Variants in LSAMP observed in about 807,000 individuals in gnomAD.
The protein encoded by LSAMP is limbic system associated membrane protein.
LSAMP carries 7 observed loss-of-function variants against 38.6 expected under a neutral mutation model. The observed-to-expected ratio is 0.18, with a 90% CI of 0.10 to 0.34. The LOEUF (loss-of-function observed/expected upper bound fraction) is 0.34. LSAMP is among the 10% of genes least tolerant of loss of function. The pLI is 1.00. For synonymous variants in LSAMP, 154 were observed against 166.8 expected, an observed-to-expected ratio of 0.92 and a Z score of 0.59; for missense variants, 313 against 420.0, an observed-to-expected ratio of 0.75 and a Z score of 2.23.
At chr3:116,107,184 A>G (rs897630667) in intron 1 of LSAMP, among the ~76,000 whole-genome samples, 1 of 152,176 alleles carries the variant, frequency 6.6e-6, no homozygotes, top group Non-Finnish European at 1.5e-5. Context: ...GGTATCTGGA[A>G]TAATGTGGGA....
At chr3:116,397,425 G>T (rs2048783562) in intron 1 of LSAMP, among the ~76,000 whole-genome samples, 1 of 129,318 alleles carries the variant, frequency 7.7e-6, no homozygotes, top group African/African-American at 2.8e-5. Context: ...ATAAACCTTT[G>T]AAAACCATAT....
At chr3:116,276,250 A>G (rs2047050521) in intron 1 of LSAMP, among the ~76,000 whole-genome samples, 1 of 152,228 alleles carries the variant, frequency 6.6e-6, no homozygotes, top group Admixed American at 6.5e-5. Flanking sequence ...TCATTATGTT[A>G]TAGGTGAGTG....
intron 2 of LSAMP, among the ~76,000 whole-genome samples, chr3:116,034,082 A>G (rs968777983): frequency 1.3e-5 from 2 of 152,076 alleles, no homozygotes; most frequent in East Asian, 1.9e-4. Context: ...TCTATGTCCC[A>G]TTACAAGCAC....
intron 3 of LSAMP, among the ~76,000 whole-genome samples, chr3:115,957,960 G>A (rs1488507642): frequency 6.6e-6 from 1 of 151,980 alleles, no homozygotes; most frequent in East Asian, 1.9e-4. Context: ...TAAGAGAGGT[G>A]GAAGGTTTTC....
At chr3:115,891,383 A>G (rs1936595534) in intron 3 of LSAMP, among the ~76,000 whole-genome samples, 2 of 152,008 alleles carry the variant, frequency 1.3e-5, no homozygotes, top group Non-Finnish European at 2.9e-5. Context: ...TCATGAGAAG[A>G]AACAAGCCTG....
chr3:116,409,218 A>G (rs2107836371), intron 1 of LSAMP, among the ~76,000 whole-genome samples: 1 of 152,136 alleles, frequency 6.6e-6, no homozygotes, highest in South Asian at 2.1e-4. Context: ...TCCATCAGGG[A>G]TGATGTAAGT....
rs10650049 is a variant in LSAMP at position 116,197,130 on chromosome 3, G to GACACACACACACACACACAC, written c.156-110594_156-110575dup. Reference sequence around the variant, plus strand: ...GCCTAAAACAAAAGTATCCCACTCGGACACACACACACACACACACACACA... The same window carrying GACACACACACACACACACAC: ...GCCTAAAACAAAAGTATCCCACTCGGACACACACACACACACACACACACACACACACACACACACACACA... On this transcript the variant is annotated intron_variant, in intron 1 of 6. Transcript: ENST00000490035. Among the ~76,000 whole-genome samples the GACACACACACACACACACAC allele has an allele frequency of 8.8e-4, 121 of 136,806 alleles. 1 individual carries two copies. Among genetic ancestry groups the GACACACACACACACACACAC allele is most frequent in the African/African-American group, 3.0e-3 (106 of 35,250 alleles). The allele number at this position is 136,806 out of a possible 152,430, so 89.8% of individuals were successfully genotyped here. A position where few individuals can be genotyped will look rare whatever the true frequency, so the allele number is the denominator to read the frequency against.
At chr3:116,297,524 T>C (rs1177614111) in intron 1 of LSAMP, among the ~76,000 whole-genome samples, 2 of 152,226 alleles carry the variant, frequency 1.3e-5, no homozygotes, top group Admixed American at 6.5e-5. Flanking sequence ...GGTGATAATA[T>C]ATGATACCAT....
intron 1 of LSAMP, among the ~76,000 whole-genome samples, chr3:116,281,048 T>A (rs962238379): frequency 1.3e-5 from 2 of 151,744 alleles, no homozygotes; most frequent in African/African-American, 4.8e-5. Flanking sequence ...ATGCAAATGA[T>A]AGAATAAAGG....
chr3:115,885,525 G>C (rs550814973), intron 3 of LSAMP, among the ~76,000 whole-genome samples: 1 of 148,658 alleles, frequency 6.7e-6, no homozygotes, highest in South Asian at 2.2e-4. Context: ...ACTGAAAGAG[G>C]TAAGTTTAAT....
At chr3:116,403,578 G>T (rs1396207129) in intron 1 of LSAMP, among the ~76,000 whole-genome samples, 3 of 152,042 alleles carry the variant, frequency 2.0e-5, no homozygotes, top group Non-Finnish European at 4.4e-5. Flanking sequence ...ATAAAATTTA[G>T]CTAAAAGTCT....
chr3:116,091,070 G>T (rs1232322953), intron 1 of LSAMP, among the ~76,000 whole-genome samples: 1 of 152,132 alleles, frequency 6.6e-6, no homozygotes, highest in African/African-American at 2.4e-5. Context: ...CTGCAATCTC[G>T]ACCATAAGAG....
rs974865218 is a variant in LSAMP at position 116,376,466 on chromosome 3, T to C, written c.155+68411A>G. 2.0e-4 allele frequency among the ~76,000 whole-genome samples: 31 copies of C among 152,132 alleles called. 2 individuals carry two copies. The highest frequency in any genetic ancestry group is 1.4e-3 in the Admixed American group (21 of 15,244). On this transcript the variant is annotated intron_variant, in intron 1 of 6. Transcript: ENST00000490035. ...CTTATATCAGGAGATTGCAGTGGGATTCAGGTTTATCCTTGAAACCCCACA... is the reference window on the plus strand; with the variant it reads ...CTTATATCAGGAGATTGCAGTGGGACTCAGGTTTATCCTTGAAACCCCACA...
intron 1 of LSAMP, among the ~76,000 whole-genome samples, chr3:116,392,243 C>T (rs984226463): frequency 1.3e-5 from 2 of 152,176 alleles, no homozygotes; most frequent in Non-Finnish European, 2.9e-5. Flanking sequence ...GGTGCAGCTA[C>T]AGCCACCCTT....
At chr3:115,937,804 TAAATGATATTGGCTAATCCTGTATG>T (rs1937759526) in intron 3 of LSAMP, among the ~76,000 whole-genome samples, 1 of 150,494 alleles carries the variant, frequency 6.6e-6, no homozygotes, top group Admixed American at 6.7e-5. Flanking sequence ...TATGGCCAGC[TAAATGATATTGGCTAATCCTGTATG>T]GCCAGCTACT....
intron 1 of LSAMP, among the ~76,000 whole-genome samples, chr3:116,407,557 GTA>G (rs2048912792): frequency 6.6e-6 from 1 of 152,026 alleles, no homozygotes; most frequent in Non-Finnish European, 1.5e-5. Flanking sequence ...AAAGGTCTAA[GTA>G]TAGCCTGAGG....
chr3:116,290,530 G>T (rs2047250080), intron 1 of LSAMP, among the ~76,000 whole-genome samples: 1 of 151,826 alleles, frequency 6.6e-6, no homozygotes, highest in Non-Finnish European at 1.5e-5. Flanking sequence ...AGGAGTTTGA[G>T]ACCAGCCTGA....
At chr3:116,367,631 A>G (rs1297575924) in intron 1 of LSAMP, among the ~76,000 whole-genome samples, 1 of 151,364 alleles carries the variant, frequency 6.6e-6, no homozygotes, top group Non-Finnish European at 1.5e-5. Flanking sequence ...CAGGCTCCCG[A>G]GTAGCTGGGA....
At position 116,244,551 on chromosome 3, in the gene LSAMP, C is replaced by T. The variant is rs116484258; in HGVS notation, c.156-157995G>A. On this transcript the variant is annotated intron_variant, in intron 1 of 6. Transcript: ENST00000490035. ...TGACTGGGTCATTCTTGTCATTCTC[C>T]CCATTGCTGCAGTGAGACTAACCTA... is the stretch of plus-strand genomic sequence containing the variant. Among the ~76,000 whole-genome samples the T allele has an allele frequency of 7.7e-3, 1,173 of 152,282 alleles. 15 individuals are homozygous for T. The highest frequency in any genetic ancestry group is 0.026 in the African/African-American group (1,092 of 41,552).
Sources: allele counts gnomAD v4.1 joint callset (sites outside exome capture counted in the v4.1 genomes callset), GRCh38; gene constraint gnomAD v4.1.1; transcripts MANE v1.5; gene names NCBI Gene and HGNC (gene_info 2026-07-23, HGNC 2026-07-21).